Variants in HCN4 observed in about 807,000 individuals in gnomAD.
HCN4 encodes the protein hyperpolarization activated cyclic nucleotide gated potassium channel 4, also known as potassium/sodium hyperpolarization-activated cyclic nucleotide-gated channel 4.
A neutral mutation model predicts 76.9 loss-of-function variants in HCN4; 29 were observed. The ratio of observed to expected loss-of-function variants is 0.38; its 90% CI spans 0.28 to 0.51. The LOEUF (loss-of-function observed/expected upper bound fraction) is 0.51. Among genes scored for constraint, HCN4 ranks in the 20% least tolerant of loss-of-function variants. The pLI, the probability that HCN4 is intolerant of heterozygous loss-of-function variation, is 0.90. For synonymous variants in HCN4, 772 were observed against 762.5 expected (o/e 1.01, Z -0.21); for missense variants, 1,416 against 1,715.2 (o/e 0.83, Z 3.08).
chr15:73,322,381 T>G lies in HCN4; in HGVS notation c.*100A>C. The G allele has an allele frequency of 2.0e-6, 2 of 993,390 alleles. No individual in the cohort carries two copies. The highest frequency in any genetic ancestry group is 3.1e-6 in the Non-Finnish European group (2 of 641,454). The allele number at this position is 993,390 out of a possible 1,614,324, so 61.5% of individuals were successfully genotyped here. On this transcript the variant is annotated 3_prime_UTR_variant, in exon 8 of 8. Transcript: ENST00000261917. ...TTTCTGGTGTGTGTGGTTTTTTAAA[T>G]AATTATTACTGTTATTGGTATATCT...
chr15:73,340,808 C>A (rs2042996761), intron 2 of HCN4, among the ~76,000 whole-genome samples: 1 of 152,222 alleles, frequency 6.6e-6, no homozygotes, highest in Non-Finnish European at 1.5e-5. Context: ...GTCCAGTCCC[C>A]CATGGAGGGG....
chr15:73,356,874 G>A (rs535818257), intron 1 of HCN4, among the ~76,000 whole-genome samples: 18 of 152,252 alleles, frequency 1.2e-4, no homozygotes, highest in African/African-American at 4.3e-4. Flanking sequence ...TATTACCAAT[G>A]GGGTTGGATA....
chr15:73,341,405 G>A (rs763604241), intron 2 of HCN4, among the ~76,000 whole-genome samples: 12 of 152,126 alleles, frequency 7.9e-5, no homozygotes, highest in Non-Finnish European at 1.8e-4. Context: ...GCCTCCCAAA[G>A]TGCTAGGATT....
chr15:73,330,023 C>A (rs903540221), intron 3 of HCN4, among the ~76,000 whole-genome samples: 4 of 152,206 alleles, frequency 2.6e-5, no homozygotes, highest in African/African-American at 7.2e-5. Flanking sequence ...GACTGGAAGC[C>A]CCAGTAAAGG....
intron 1 of HCN4, among the ~76,000 whole-genome samples, chr15:73,353,448 T>G (rs979473239): frequency 2.6e-5 from 4 of 152,186 alleles, no homozygotes; most frequent in African/African-American, 7.2e-5. Flanking sequence ...GGTGGTTGTC[T>G]GAAGAGCAGG....
At chr15:73,366,179 GA>G (rs1297415175) in intron 1 of HCN4, among the ~76,000 whole-genome samples, 2 of 152,018 alleles carry the variant, frequency 1.3e-5, no homozygotes, top group East Asian at 3.9e-4. Flanking sequence ...TCTGTCAAAG[GA>G]AAAAAGGGGG....
Position 73,322,963 on chromosome 15 carries a change from G to T in HCN4, c.3130C>A (p.Arg1044=). The change falls in exon 8 of 8, where the codon CGG becomes AGG. Residue 1044 remains arginine (R), a synonymous_variant. Transcript: ENST00000261917. ...PPRTFPSAPP[R]ASGSHGSLLL... is the part of the protein sequence containing the mutation. ...AAGGATCCGTGGGAGCCAGAGGCCC[G>T]GGGCGGGGCACTCGGGAAGGTTCTT... 7.0e-7 allele frequency: 1 copy of T among 1,425,798 alleles called. No individual in the cohort carries two copies. Among genetic ancestry groups the T allele is most frequent in the Non-Finnish European group, 9.2e-7 (1 of 1,083,490 alleles). 88.3% of individuals were successfully genotyped at this position (1,425,798 alleles called of 1,614,324 possible). A position where few individuals can be genotyped will look rare whatever the true frequency, so the allele number is the denominator to read the frequency against.
chr15:73,336,026 G>A (rs921404373), intron 2 of HCN4, among the ~76,000 whole-genome samples: 8 of 152,092 alleles, frequency 5.3e-5, no homozygotes, highest in South Asian at 2.1e-4. Context: ...GAAGGAAGCC[G>A]CACCCAGGAA....
At position 73,322,995 on chromosome 15, in the gene HCN4, C is replaced by T. The variant is rs1441737579; in HGVS notation, c.3098G>A (p.Gly1033Asp). ...GGCACTCGGGAAGGTTCTTGGGGGGCCTGGGCTGTGGCCAGGGGGGCTGAG... is the reference window on the plus strand; with the variant it reads ...GGCACTCGGGAAGGTTCTTGGGGGGTCTGGGCTGTGGCCAGGGGGGCTGAG... ...GGLSPPGHSP[G>D]PPRTFPSAPP... Residue 1033 changes from glycine to aspartate, a missense_variant, in exon 8 of 8, where the codon GGC becomes GAC. By Grantham distance (94) the Gly-to-Asp change is moderately conservative. Around this residue, in one of 6 missense-constraint regions of HCN4, gnomAD observed 633 missense variants for 579.8 expected, o/e 1.09. Transcript: ENST00000261917. The T allele has an allele frequency of 2.7e-6, 4 of 1,454,690 alleles. No homozygotes were observed. The highest frequency in any genetic ancestry group is 3.6e-6 in the Non-Finnish European group (4 of 1,104,406). The allele number at this position is 1,454,690 out of a possible 1,614,324, so 90.1% of individuals were successfully genotyped here.
In HCN4 at chr15:73,325,118, C is replaced by T. The variant is rs367753936; in HGVS notation, c.1815G>A (p.Thr605=). ...LFANADPNFV[T]SMLTKLRFEV... ...CGAAACGCAGCTTGGTCAGCATGGA[C>T]GTCACGAAGTTGGGGTCCGCATTGG... Residue 605 remains threonine (T), a synonymous_variant, in exon 6 of 8, where the codon ACG becomes ACA. Transcript: ENST00000261917. This position sits in a 1 kb window ranked among gnomAD's most constrained non-coding sequence, Gnocchi z 7.4. The T allele has an allele frequency of 5.3e-5, 85 of 1,614,224 alleles. 1 individual carries two copies. The highest frequency in any genetic ancestry group is 2.9e-4 in the African/African-American group (22 of 75,054).
At chr15:73,331,592 G>C (rs1279122040) in intron 3 of HCN4, among the ~76,000 whole-genome samples, 4 of 152,180 alleles carry the variant, frequency 2.6e-5, no homozygotes, top group Non-Finnish European at 4.4e-5. Flanking sequence ...CACCACACCA[G>C]CTAGTTTTTT....
In HCN4 at chr15:73,323,332, A is replaced by G; in HGVS notation, c.2761T>C (p.Ser921Pro). ...HKALGGSLSS[S>P]DSPLLTPLQP... ...AGCGGGGTGAGCAGGGGAGAGTCGG[A>G]GGAGGACAGGGAGCCACCCAGCGCC... is the stretch of plus-strand genomic sequence containing the variant. The change falls in exon 8 of 8, where the codon TCC becomes CCC. Residue 921 changes from serine to proline, a missense_variant. This residue lies in a region of HCN4 where 633 missense variants were observed against 579.8 expected (regional missense o/e 1.09). Transcript: ENST00000261917. The G allele has an allele frequency of 6.4e-7, 1 of 1,563,476 alleles. No individual in the cohort carries two copies.
In HCN4 at chr15:73,324,990, T is replaced by G. The variant is rs1488769594; in HGVS notation, c.1943A>C (p.Lys648Thr). Residue 648 changes from lysine to threonine, a missense_variant, in exon 6 of 8, where the codon AAG becomes ACG. Transcript: ENST00000261917. ...GVVSVLTKGNKETKLADGSYF... is the reference protein window; with the variant it reads ...GVVSVLTKGNTETKLADGSYF... ...GGAGCCGTCGGCCAGCTTGGTCTCC[T>G]TGTTGCCCTTGGTGAGCACGCTGAC... is the stretch of plus-strand genomic sequence containing the variant. 2 of 1,614,056 alleles carry G rather than the reference T, an allele frequency of 1.2e-6. No individual in the cohort carries two copies. Among genetic ancestry groups the G allele is most frequent in the Non-Finnish European group, 1.7e-6 (2 of 1,180,032 alleles).
rs150812609 is a variant in HCN4, at chr15:73,348,381, C to G, written c.786-4573G>C. 1.9e-3 allele frequency among the ~76,000 whole-genome samples: 294 copies of G among 152,380 alleles called. 2 individuals carry two copies. Among genetic ancestry groups the G allele is most frequent in the African/African-American group, 6.7e-3 (280 of 41,588 alleles). The stretch of plus-strand genomic sequence containing the variant: ...ATACACGCATGCACATGTGCACATG[C>G]ACAGACACGAACATGCGTGCACACA... On this transcript the variant is annotated intron_variant, in intron 1 of 7. Coordinates refer to ENST00000261917, the MANE Select transcript of HCN4 (RefSeq NM_005477.3).
At chr15:73,356,143 A>G (rs1443287778) in intron 1 of HCN4, among the ~76,000 whole-genome samples, 7 of 151,628 alleles carry the variant, frequency 4.6e-5, no homozygotes, top group Admixed American at 4.6e-4. Flanking sequence ...GAGGGGCAAC[A>G]TGAAGCACTG....
At chr15:73,341,545 G>A (rs755525653) in intron 2 of HCN4, among the ~76,000 whole-genome samples, 4 of 152,184 alleles carry the variant, frequency 2.6e-5, no homozygotes, top group Non-Finnish European at 5.9e-5. Context: ...AGAGACTGAG[G>A]CACAGAGAGG....
rs1050303956 is a variant in HCN4, at chr15:73,343,031, G to T, written c.1209+354C>A. On this transcript the variant is annotated intron_variant, in intron 2 of 7. Transcript: ENST00000261917. This position sits in a 1 kb window ranked among gnomAD's most constrained non-coding sequence, Gnocchi z 5.7. ...ACAACATAACGCAGTGGTTAATAAT[G>T]TGGGCTCTAGAGGTGATCGGCTTAA... Among the ~76,000 whole-genome samples, 1 of 152,164 alleles carries T rather than the reference G, an allele frequency of 6.6e-6. No individual in the cohort carries two copies. The highest frequency in any genetic ancestry group is 1.5e-5 in the Non-Finnish European group (1 of 68,038).
At chr15:73,348,792 C>A (rs1444211635) in intron 1 of HCN4, among the ~76,000 whole-genome samples, 1 of 152,190 alleles carries the variant, frequency 6.6e-6, no homozygotes, top group Non-Finnish European at 1.5e-5. Context: ...ACACTCAGTG[C>A]CCCATCTGTT....
chr15:73,327,830 T>C (rs151061133), intron 4 of HCN4, among the ~76,000 whole-genome samples: 1 of 152,300 alleles, frequency 6.6e-6, no homozygotes, highest in East Asian at 1.9e-4. Flanking sequence ...GAGCTCTCCT[T>C]GCCTCCCAGC....
Sources: allele counts gnomAD v4.1 joint callset (sites outside exome capture counted in the v4.1 genomes callset), GRCh38; gene constraint gnomAD v4.1.1; regional missense constraint gnomAD v4.1.1; non-coding constraint Gnocchi (gnomAD v3.1); transcripts MANE v1.5; gene names NCBI Gene and HGNC (gene_info 2026-07-23, HGNC 2026-07-21).